Variants in CARMIL1 observed in about 807,000 individuals in gnomAD.
CARMIL1 encodes the protein F-actin-uncapping protein LRRC16A.
In CARMIL1, 90 loss-of-function variants were observed where a neutral mutation model predicts 177.1. That is an observed-to-expected ratio of 0.51 (90% confidence interval 0.43 to 0.61). CARMIL1 has a LOEUF of 0.61. CARMIL1 is among the 20% of genes least tolerant of loss of function. The pLI, the probability that CARMIL1 is intolerant of heterozygous loss-of-function variation, is 0.00. For missense variants in CARMIL1, 1,380 were observed against 1,667.0 expected (o/e 0.83, Z 3.00); for synonymous variants, 577 against 606.2 (o/e 0.95, Z 0.71).
intron 2 of CARMIL1, among the ~76,000 whole-genome samples, chr6:25,345,023 G>A (rs79693813): frequency 6.6e-6 from 1 of 152,054 alleles, no homozygotes; most frequent in Non-Finnish European, 1.5e-5. Context: ...TCATCTGTAT[G>A]CATTAGGTCT....
intron 2 of CARMIL1, among the ~76,000 whole-genome samples, chr6:25,286,461 A>C (rs1363037073): frequency 1.3e-5 from 2 of 152,256 alleles, no homozygotes; most frequent in East Asian, 3.8e-4. Flanking sequence ...TTATCAGTAG[A>C]AGAAATGATT....
intron 24 of CARMIL1, among the ~76,000 whole-genome samples, chr6:25,533,422 T>G (rs1384503714): frequency 1.3e-5 from 2 of 152,226 alleles, no homozygotes; most frequent in Non-Finnish European, 2.9e-5. Flanking sequence ...TTTTTTCATC[T>G]GTTTATTGGG....
At chr6:25,534,310 T>C (rs1376815332) in intron 24 of CARMIL1, among the ~76,000 whole-genome samples, 1 of 152,038 alleles carries the variant, frequency 6.6e-6, no homozygotes, top group Non-Finnish European at 1.5e-5. Flanking sequence ...TTGGACACCA[T>C]GTTCAACCTC....
intron 17 of CARMIL1, among the ~76,000 whole-genome samples, chr6:25,506,090 A>G (rs754450175): frequency 6.6e-6 from 1 of 152,250 alleles, no homozygotes; most frequent in Non-Finnish European, 1.5e-5. Context: ...GTTTCAGTCC[A>G]TTTGATAGTC....
chr6:25,495,538 CGTGTGTGTGTGTGTGT>C (rs144132253), intron 16 of CARMIL1, among the ~76,000 whole-genome samples: 13 of 144,978 alleles, frequency 9.0e-5, no homozygotes, highest in African/African-American at 2.8e-4. Flanking sequence ...TTCGTTTGTT[CGTGTGTGTGTGTGTGT>C]GTGTGTGTGT....
intron 17 of CARMIL1, chr6:25,507,409 C>T (rs1156946392): frequency 6.6e-6 from 1 of 152,468 alleles, no homozygotes; most frequent in Non-Finnish European, 1.5e-5. Flanking sequence ...GAAACTTTAG[C>T]TTCTTCTTTA....
intron 13 of CARMIL1, among the ~76,000 whole-genome samples, chr6:25,489,171 TAAC>T (rs67504879): frequency 1.3e-5 from 2 of 151,576 alleles, no homozygotes; most frequent in Non-Finnish European, 2.9e-5. Flanking sequence ...TATCAAACAA[TAAC>T]AACAACAACA....
intron 3 of CARMIL1, 116 bp downstream of exon 3, chr6:25,420,280 A>G: frequency 1.1e-6 from 1 of 913,612 alleles, no homozygotes. Context: ...ACTGCAACAC[A>G]ACACACACAC....
At chr6:25,542,206 C>A (rs1003878119) in intron 26 of CARMIL1, among the ~76,000 whole-genome samples, 1 of 152,176 alleles carries the variant, frequency 6.6e-6, no homozygotes, top group Non-Finnish European at 1.5e-5. Context: ...CTGGTCTAAA[C>A]GACAAACCAC....
chr6:25,574,162 A>G (rs1317608785), intron 29 of CARMIL1, among the ~76,000 whole-genome samples: 1 of 152,246 alleles, frequency 6.6e-6, no homozygotes, highest in Non-Finnish European at 1.5e-5. Context: ...ATGGTCATTC[A>G]GACAGGCTCC....
chr6:25,588,775 A>T (rs1447466666), intron 31 of CARMIL1, among the ~76,000 whole-genome samples: 1 of 152,248 alleles, frequency 6.6e-6, no homozygotes, highest in Non-Finnish European at 1.5e-5. Flanking sequence ...TCTACCACTA[A>T]CTGGAATAAT....
chr6:25,589,996 T>C (rs1028318), intron 31 of CARMIL1, among the ~76,000 whole-genome samples: 41,158 of 152,068 alleles, frequency 0.27, 5,779 homozygotes, highest in East Asian at 0.41. Flanking sequence ...CTAGTATACT[T>C]CCAGTTGCAT....
At chr6:25,568,729 A>G (rs1265604958) in intron 29 of CARMIL1, among the ~76,000 whole-genome samples, 1 of 152,218 alleles carries the variant, frequency 6.6e-6, no homozygotes, top group Non-Finnish European at 1.5e-5. Context: ...TATCATGGCC[A>G]TAAAAACCTT....
intron 23 of CARMIL1, among the ~76,000 whole-genome samples, chr6:25,528,181 A>C (rs1217021058): frequency 2.0e-5 from 3 of 152,146 alleles, no homozygotes; most frequent in Non-Finnish European, 4.4e-5. Context: ...TCTATTTTTT[A>C]TTTGCTATAA....
chr6:25,420,257 T>C, intron 3 of CARMIL1, 93 bp downstream of exon 3: 1 of 1,110,170 alleles, frequency 9.0e-7, no homozygotes, highest in African/African-American at 1.5e-5. Context: ...TGTGCACACA[T>C]ATTCCTTCAT....
intron 2 of CARMIL1, among the ~76,000 whole-genome samples, chr6:25,418,696 C>T (rs895866889): frequency 6.6e-5 from 10 of 152,292 alleles, no homozygotes; most frequent in Non-Finnish European, 1.5e-4. Context: ...TGGTTGCCTA[C>T]ACTTTTAGAA....
At position 25,581,583 on chromosome 6, in the gene CARMIL1, G is replaced by A. The variant is rs188505134; in HGVS notation, c.3006+144G>A. 5.8e-5 allele frequency: 40 copies of A among 693,290 alleles called. No individual in the cohort carries two copies. In the Admixed American group the frequency reaches 1.3e-3, roughly 22 times the overall value. 42.9% of individuals were successfully genotyped at this position (693,290 alleles called of 1,614,324 possible). On this transcript the variant is annotated intron_variant, in intron 31 of 36. Transcript: ENST00000329474. ...AACCTCTTTGCATGAGATATACAAA[G>A]TATCTCAACTTGGTGCTCAACAATT...
chr6:25,592,542 G>A (rs1458588549), intron 31 of CARMIL1, among the ~76,000 whole-genome samples: 1 of 152,186 alleles, frequency 6.6e-6, no homozygotes, highest in African/African-American at 2.4e-5. Context: ...CAGATGAGAG[G>A]TGTAATTGTT....
intron 22 of CARMIL1, among the ~76,000 whole-genome samples, chr6:25,518,741 T>A (rs933163515): frequency 6.6e-6 from 1 of 152,202 alleles, no homozygotes; most frequent in Non-Finnish European, 1.5e-5. Flanking sequence ...CATTTCCAGA[T>A]TGACTGTTGG....
Sources: allele counts gnomAD v4.1 joint callset (sites outside exome capture counted in the v4.1 genomes callset), GRCh38; gene constraint gnomAD v4.1.1; transcripts MANE v1.5; gene names NCBI Gene and HGNC (gene_info 2026-07-23, HGNC 2026-07-21).